The following CYTH3 variants were observed in gnomAD, a reference collection of about 807,000 sequenced individuals.
CYTH3 encodes cytohesin 3.
Under a neutral mutation model 55.1 loss-of-function variants are expected in CYTH3, and 23 were observed. The observed-to-expected ratio is 0.42, with a 90% CI of 0.30 to 0.59. CYTH3 has a LOEUF of 0.59. CYTH3 is among the 20% of genes least tolerant of loss of function. The pLI is 0.20. For missense variants in CYTH3, 413 were observed against 524.8 expected (o/e 0.79, Z 2.08); for synonymous variants, 249 against 194.9 (o/e 1.28, Z -2.31).
At chr7:6,248,734 CAT>C (rs1458654472) in intron 1 of CYTH3, among the ~76,000 whole-genome samples, 2 of 152,234 alleles carry the variant, frequency 1.3e-5, no homozygotes, top group African/African-American at 4.8e-5. Flanking sequence ...ACCACATCTC[CAT>C]ATGTTCCTCA....
In CYTH3 at chr7:6,264,677, G is replaced by A. The variant is rs1328766124; in HGVS notation, c.34+7797C>T. On this transcript the variant is annotated intron_variant, in intron 1 of 12. Coordinates refer to ENST00000350796, the MANE Select transcript of CYTH3 (RefSeq NM_004227.4). Reference sequence around the variant, plus strand: ...TCGAATTCATAATGGCTGCCTCTAAGAAACATTGAAAGCAAAGAGCAAAAG... The same window carrying A: ...TCGAATTCATAATGGCTGCCTCTAAAAAACATTGAAAGCAAAGAGCAAAAG... Among the ~76,000 whole-genome samples, 5 of 152,180 alleles carry A rather than the reference G, an allele frequency of 3.3e-5. No individual in the cohort carries two copies. The East Asian group carries it at 9.6e-4, about 29-fold the overall frequency.
chr7:6,211,003 T>C (rs1191168852), intron 1 of CYTH3, among the ~76,000 whole-genome samples: 1 of 152,258 alleles, frequency 6.6e-6, no homozygotes. Context: ...AGTGAAGTTT[T>C]GGCAGTACTC....
At chr7:6,180,053 G>A (rs1204751586) in intron 4 of CYTH3, among the ~76,000 whole-genome samples, 3 of 152,204 alleles carry the variant, frequency 2.0e-5, no homozygotes, top group Non-Finnish European at 4.4e-5. Context: ...TTGGCTCTAA[G>A]TGAGGAAAAC....
intron 1 of CYTH3, among the ~76,000 whole-genome samples, chr7:6,243,835 C>A (rs185570162): frequency 6.6e-6 from 1 of 152,092 alleles, no homozygotes; most frequent in South Asian, 2.1e-4. Flanking sequence ...AGGTTTGAAT[C>A]GTATGGAGTC....
Position 6,171,051 on chromosome 7 carries a change from C to T in CYTH3, c.563-73G>A, listed in dbSNP as rs774846248. The T allele has an allele frequency of 3.6e-5, 58 of 1,599,178 alleles. No homozygotes were observed. Among genetic ancestry groups the T allele is most frequent in the Non-Finnish European group, 4.9e-5 (57 of 1,170,848 alleles). ...AGTGGGACCCCGCGTGCTGGGGGCC[C>T]GCCTGCAAGAGGTGCCCGGCCCACA... On this transcript the variant is annotated intron_variant, in intron 7 of 12. Coordinates refer to ENST00000350796, the MANE Select transcript of CYTH3 (RefSeq NM_004227.4). The surrounding 1 kb of genome is among the most constrained non-coding windows in gnomAD (Gnocchi z 6.7).
Position 6,169,262 on chromosome 7 carries a change from C to T in CYTH3, c.823+1273G>A, listed in dbSNP as rs530487584. On this transcript the variant is annotated intron_variant, in intron 9 of 12. Coordinates refer to ENST00000350796, the MANE Select transcript of CYTH3 (RefSeq NM_004227.4). The surrounding 1 kb of genome is among the most constrained non-coding windows in gnomAD (Gnocchi z 4.1). The stretch of plus-strand genomic sequence containing the variant: ...TTGAGACGAGGTCTCACTCTGTCGC[C>T]GAGGTGGGAGAGCAGTGGCACAGTC... Among the ~76,000 whole-genome samples the T allele has an allele frequency of 6.6e-6, 1 of 152,270 alleles. No homozygotes were observed. The highest frequency in any genetic ancestry group is 2.4e-5 in the African/African-American group (1 of 41,544).
intron 1 of CYTH3, among the ~76,000 whole-genome samples, chr7:6,237,133 C>T (rs1169950836): frequency 6.6e-6 from 1 of 152,168 alleles, no homozygotes; most frequent in African/African-American, 2.4e-5. Context: ...GCTCCCGCCT[C>T]GGCAGGCGTT....
rs548869397 is a variant in CYTH3 at position 6,233,289 on chromosome 7, G to A, written c.34+39185C>T. 3.9e-5 allele frequency among the ~76,000 whole-genome samples: 6 copies of A among 152,196 alleles called. No homozygotes were observed. The East Asian group carries it at 1.2e-3, about 29-fold the overall frequency. On this transcript the variant is annotated intron_variant, in intron 1 of 12. Transcript: ENST00000350796. ...CTACACACTGTTTCTCCTACTCCAC[G>A]CCTTCAAGTCTTTACTATCAAGTTA...
At chr7:6,261,689 CAAAAAAAAA>C (rs71549614) in intron 1 of CYTH3, among the ~76,000 whole-genome samples, 4 of 47,490 alleles carry the variant, frequency 8.4e-5, no homozygotes, top group Admixed American at 5.2e-4. Context: ...GACCCTGTCT[CAAAAAAAAA>C]AAAAAAAAAA....
In CYTH3 at chr7:6,269,602, T is replaced by A. The variant is rs1303384345; in HGVS notation, c.34+2872A>T. ...GCTACCCTCCAATTAGCTCAAGAAC[T>A]GTTCTCGAAAAACTGAAAGGCAACA... On this transcript the variant is annotated intron_variant, in intron 1 of 12. Transcript: ENST00000350796. 3.9e-5 allele frequency among the ~76,000 whole-genome samples: 6 copies of A among 152,118 alleles called. 1 individual carries two copies. In the East Asian group the frequency reaches 9.6e-4, roughly 24 times the overall value.
intron 1 of CYTH3, among the ~76,000 whole-genome samples, chr7:6,202,739 G>GCTCA (rs1240403298): frequency 6.6e-6 from 1 of 152,140 alleles, no homozygotes. Flanking sequence ...GATTACAGGC[G>GCTCA]TGAGCCACCG....
intron 1 of CYTH3, among the ~76,000 whole-genome samples, chr7:6,224,571 G>A (rs1405000196): frequency 6.6e-6 from 1 of 152,204 alleles, no homozygotes; most frequent in Middle Eastern, 3.2e-3. Context: ...ACAAGTGTTG[G>A]CAAGGATGTA....
chr7:6,188,340 A>T (rs76835358), intron 2 of CYTH3, among the ~76,000 whole-genome samples: 20 of 150,962 alleles, frequency 1.3e-4, no homozygotes, highest in Admixed American at 6.6e-4. Context: ...CTCTTTTTTT[A>T]AAAAAAACAA....
At chr7:6,177,773 T>C in intron 5 of CYTH3, 50 bp downstream of exon 5, 1 of 1,424,068 alleles carries the variant, frequency 7.0e-7, no homozygotes, top group Non-Finnish European at 9.9e-7. Context: ...TAGGTCAAGC[T>C]GCAGGGCTGA....
chr7:6,226,089 C>G (rs1390403673), intron 1 of CYTH3, among the ~76,000 whole-genome samples: 3 of 152,114 alleles, frequency 2.0e-5, no homozygotes, highest in Non-Finnish European at 4.4e-5. Context: ...ACCCATGTCC[C>G]TAGCTTAGCA....
chr7:6,203,750 G>A (rs1009506242), intron 1 of CYTH3, among the ~76,000 whole-genome samples: 2 of 150,530 alleles, frequency 1.3e-5, no homozygotes, highest in African/African-American at 2.5e-5. Context: ...ACAGAGTCTC[G>A]CTCTGTCGCC....
chr7:6,165,127 G>A (rs1782950825), intron 12 of CYTH3, 111 bp from the exon 13 acceptor site: 5 of 1,561,862 alleles, frequency 3.2e-6, no homozygotes, highest in South Asian at 2.3e-5. Flanking sequence ...AGATCTGAAC[G>A]TCGGCTTTGG....
chr7:6,186,615 A>G (rs1783658171), intron 4 of CYTH3, among the ~76,000 whole-genome samples: 1 of 152,208 alleles, frequency 6.6e-6, no homozygotes, highest in Non-Finnish European at 1.5e-5. Context: ...TGAACCACTT[A>G]ACCCACCCAG....
chr7:6,262,564 A>AC (rs1351319884), intron 1 of CYTH3, among the ~76,000 whole-genome samples: 2 of 152,196 alleles, frequency 1.3e-5, no homozygotes, highest in African/African-American at 4.8e-5. Flanking sequence ...CAGTAAAACT[A>AC]CCCCTTCAAA....
Sources: gnomAD v4.1 joint callset for allele counts (sites outside exome capture counted in the v4.1 genomes callset) on GRCh38, gnomAD v4.1.1 for gene constraint, Gnocchi (gnomAD v3.1) non-coding constraint, MANE v1.5 for transcripts, NCBI Gene and HGNC (gene_info 2026-07-23, HGNC 2026-07-21) for gene names.